The following PFKFB1 variants were observed in gnomAD, a reference collection of about 807,000 sequenced individuals.
The protein encoded by PFKFB1 is 6-phosphofructo-2-kinase/fructose-2,6-bisphosphatase 1.
A neutral mutation model predicts 46.4 loss-of-function variants in PFKFB1; 34 were observed. The observed-to-expected ratio is 0.73, with a 90% CI of 0.56 to 0.98. PFKFB1 has a LOEUF of 0.98. Ranked by LOEUF, PFKFB1 falls within the 50% of genes least tolerant of loss-of-function variation. The pLI is 0.00. For missense variants in PFKFB1, 393 were observed against 376.3 expected, an observed-to-expected ratio of 1.04 and a Z score of -0.37; for synonymous variants, 119 against 133.8, an observed-to-expected ratio of 0.89 and a Z score of 0.76.
intron 1 of PFKFB1, among the ~76,000 whole-genome samples, 199 bp from the exon 2 acceptor site, chrX:54,963,581 A>T (rs1569546989): frequency 1.8e-5 from 2 of 112,603 alleles, no homozygotes; most frequent in African/African-American, 6.4e-5. Flanking sequence ...AGAAACAACC[A>T]TCTTCAAGGG....
intron 11 of PFKFB1, among the ~76,000 whole-genome samples, chrX:54,935,799 G>A (rs1225342563): frequency 1.8e-5 from 2 of 111,328 alleles, no homozygotes; most frequent in Non-Finnish European, 3.8e-5. Context: ...AGTGTCCTGG[G>A]GGTGATAAAC....
chrX:54,956,183 T>C lies in PFKFB1; in HGVS notation c.608A>G (p.Asn203Ser), dbSNP rs1449750008. The stretch of plus-strand genomic sequence containing the variant: ...CAGTTCCTCATCCAAGGGTTGGTAG[T>C]TGACCTCATAGCACTCAATTCTCTT... Reference protein sequence around the residue: ...FLKRIECYEVNYQPLDEELDS... With the variant: ...FLKRIECYEVSYQPLDEELDS... The change falls in exon 7 of 14, where the codon AAC becomes AGC. Residue 203 changes from asparagine to serine, a missense_variant. Transcript: ENST00000375006. 3 of 1,208,155 alleles carry C rather than the reference T, an allele frequency of 2.5e-6. No individual in the cohort carries two copies. The highest frequency in any genetic ancestry group is 1.8e-5 in the South Asian group (1 of 56,693).
intron 1 of PFKFB1, among the ~76,000 whole-genome samples, chrX:54,971,623 G>T (rs1471608017): frequency 1.8e-5 from 2 of 111,884 alleles, no homozygotes; most frequent in African/African-American, 6.5e-5. Flanking sequence ...ATTTTTCTCA[G>T]GTTTGTCAAA....
At position 54,958,368 on chromosome X, in the gene PFKFB1, A is replaced by G; in HGVS notation, c.460-6T>C. On this transcript the variant is annotated splice_polypyrimidine_tract_variant and splice_region_variant and intron_variant, in intron 5 of 13. Transcript: ENST00000375006. ...ATGGACTCAATGAAAAACACCTATA[A>G]AAGAAACAGAAAAGAGATTTCCAGC... 6 of 1,116,138 alleles carry G rather than the reference A, an allele frequency of 5.4e-6. No individual in the cohort carries two copies. In the Middle Eastern group the frequency reaches 1.3e-3, roughly 239 times the overall value. 92.0% of individuals were successfully genotyped at this position (1,116,138 alleles called of 1,213,427 possible).
intron 8 of PFKFB1, among the ~76,000 whole-genome samples, chrX:54,950,811 G>C (rs752465748): frequency 3.5e-5 from 4 of 112,708 alleles, no homozygotes; most frequent in African/African-American, 1.3e-4. Flanking sequence ...CCAGGGTGTG[G>C]CCATCCAGGA....
chrX:54,938,927 T>C (rs1392782453), intron 10 of PFKFB1, among the ~76,000 whole-genome samples: 1 of 111,605 alleles, frequency 9.0e-6, no homozygotes, highest in African/African-American at 3.3e-5. Context: ...CCCAAATCAA[T>C]AGAATACACA....
chrX:54,973,044 A>G (rs1934726918), intron 1 of PFKFB1, among the ~76,000 whole-genome samples: 2 of 111,508 alleles, frequency 1.8e-5, no homozygotes, highest in Admixed American at 9.5e-5. Flanking sequence ...CAGAGATTCA[A>G]CTTCTTCCTG....
upstream of PFKFB1, among the ~76,000 whole-genome samples, chrX:54,996,613 T>C (rs1326933912): frequency 1.8e-5 from 2 of 111,868 alleles, no homozygotes; most frequent in Non-Finnish European, 3.8e-5. Flanking sequence ...CCAATTCTGA[T>C]CCCAGAAGCA....
intron 7 of PFKFB1, among the ~76,000 whole-genome samples, chrX:54,952,803 G>C (rs1217423902): frequency 9.1e-6 from 1 of 109,985 alleles, no homozygotes; most frequent in African/African-American, 3.3e-5. Flanking sequence ...TGGCCAGTCA[G>C]GAACAAATAC....
At chrX:54,985,292 G>A (rs1394212531) in intron 1 of PFKFB1, among the ~76,000 whole-genome samples, 4 of 111,406 alleles carry the variant, frequency 3.6e-5, no homozygotes, top group Non-Finnish European at 7.6e-5. Context: ...GCTGGGCAAT[G>A]CATGCTTCAG....
intron 1 of PFKFB1, among the ~76,000 whole-genome samples, chrX:54,992,353 T>C (rs1175842615): frequency 1.8e-5 from 2 of 112,296 alleles, no homozygotes; most frequent in Non-Finnish European, 3.8e-5. Flanking sequence ...GCACATCCCA[T>C]GCTCCAGTTC....
At chrX:54,988,742 A>G (rs1368157636) in intron 1 of PFKFB1, among the ~76,000 whole-genome samples, 1 of 111,896 alleles carries the variant, frequency 8.9e-6, no homozygotes, top group African/African-American at 3.2e-5. Flanking sequence ...TAGGGGAAAG[A>G]AGAGTCTTTT....
At chrX:54,947,446 G>T (rs1221910661) in intron 9 of PFKFB1, among the ~76,000 whole-genome samples, 1 of 112,048 alleles carries the variant, frequency 8.9e-6, no homozygotes, top group Non-Finnish European at 1.9e-5. Flanking sequence ...ATGTGGGCCA[G>T]AAATAAGAAG....
rs189321628 is a variant in PFKFB1 at position 54,952,174 on chromosome X, C to T, written c.639-62G>A. On this transcript the variant is annotated intron_variant, in intron 7 of 13. Coordinates refer to ENST00000375006, the MANE Select transcript of PFKFB1 (RefSeq NM_002625.4). ...GGGCTAATGGTGGTAGGGTTGACCC[C>T]GAGAGAAACCCCGAACCACACACCC... The T allele has an allele frequency of 1.3e-4, 114 of 902,236 alleles. No individual in the cohort carries two copies. In the African/African-American group the frequency reaches 1.9e-3, roughly 15 times the overall value. The allele number at this position is 902,236 out of a possible 1,213,427, so 74.4% of individuals were successfully genotyped here.
At chrX:54,973,864 A>T (rs1032060222) in intron 1 of PFKFB1, among the ~76,000 whole-genome samples, 4 of 111,694 alleles carry the variant, frequency 3.6e-5, no homozygotes, top group Non-Finnish European at 7.5e-5. Flanking sequence ...TCAAAGTTAA[A>T]AAAAATTTAC....
intron 8 of PFKFB1, among the ~76,000 whole-genome samples, chrX:54,950,477 C>T (rs1010992879): frequency 4.5e-5 from 5 of 112,107 alleles, no homozygotes; most frequent in African/African-American, 1.3e-4. Context: ...GCTACCTCGA[C>T]GGGGAGGTGC....
At chrX:54,954,959 T>G (rs1934090314) in intron 7 of PFKFB1, among the ~76,000 whole-genome samples, 5 of 112,305 alleles carry the variant, frequency 4.5e-5, no homozygotes, top group Admixed American at 3.8e-4. Context: ...AATGCCGTTC[T>G]TTCACTTACA....
At chrX:54,982,257 A>C (rs929884470) in intron 1 of PFKFB1, among the ~76,000 whole-genome samples, 6 of 111,638 alleles carry the variant, frequency 5.4e-5, no homozygotes, top group Non-Finnish European at 9.4e-5. Flanking sequence ...AGGAGGGAAT[A>C]TTTTCAACTA....
At chrX:54,971,339 TA>T (rs1168823613) in intron 1 of PFKFB1, among the ~76,000 whole-genome samples, 1 of 97,778 alleles carries the variant, frequency 1.0e-5, no homozygotes, top group African/African-American at 3.8e-5. Context: ...CTCTTGAGTT[TA>T]ATTAGATCCC....
Sources: gnomAD v4.1 joint callset for allele counts (sites outside exome capture counted in the v4.1 genomes callset) on GRCh38, gnomAD v4.1.1 for gene constraint, MANE v1.5 for transcripts, NCBI Gene and HGNC (gene_info 2026-07-23, HGNC 2026-07-21) for gene names.